The following SRCAP variants were observed in gnomAD, a reference collection of about 807,000 sequenced individuals.
SRCAP encodes chromatin remodeling protein SRCAP.
SRCAP carries 46 observed loss-of-function variants against 263.1 expected under a neutral mutation model. The ratio of observed to expected loss-of-function variants is 0.17; its 90% CI spans 0.14 to 0.22. The LOEUF (loss-of-function observed/expected upper bound fraction) is 0.22, where lower values mean the gene tolerates loss of function less well. SRCAP is among the 10% of genes least tolerant of loss of function. SRCAP has a pLI of 1.00. For synonymous variants in SRCAP, 1,813 were observed against 1,662.1 expected, an observed-to-expected ratio of 1.09 and a Z score of -2.21; for missense variants, 3,695 against 4,181.9, an observed-to-expected ratio of 0.88 and a Z score of 3.21.
At chr16:30,702,673 T>C (rs1421587032) in intron 3 of SRCAP, among the ~76,000 whole-genome samples, 2 of 146,734 alleles carry the variant, frequency 1.4e-5, no homozygotes, top group East Asian at 4.1e-4. Context: ...AATGGCACAA[T>C]CTTGGCTTAC....
intron 27 of SRCAP, among the ~76,000 whole-genome samples, chr16:30,730,171 C>T (rs1402693886): frequency 6.6e-6 from 1 of 152,120 alleles, no homozygotes; most frequent in Non-Finnish European, 1.5e-5. Context: ...GATACAATAG[C>T]AAGTAAGACA....
chr16:30,723,337 G>A lies in SRCAP; in HGVS notation c.4159+108G>A. On this transcript the variant is annotated intron_variant, in intron 24 of 33. Coordinates refer to ENST00000262518, the MANE Select transcript of SRCAP (RefSeq NM_006662.3). The stretch of plus-strand genomic sequence containing the variant: ...ACAGGTTTTTTCATATCAGCGTACT[G>A]CCTTGATTTGTAGTGGGCCCCAGAA... 2.0e-6 allele frequency: 3 copies of A among 1,468,576 alleles called. No individual in the cohort carries two copies. The African/African-American group carries it at 4.2e-5, about 21-fold the overall frequency. 91.0% of individuals were successfully genotyped at this position (1,468,576 alleles called of 1,614,324 possible).
intron 18 of SRCAP, among the ~76,000 whole-genome samples, chr16:30,717,381 T>C (rs2052961085): frequency 6.6e-6 from 1 of 152,204 alleles, no homozygotes; most frequent in East Asian, 1.9e-4. Context: ...GCAAATATTT[T>C]GTCACATTCC....
At position 30,720,328 on chromosome 16, in the gene SRCAP, A is replaced by G. The variant is rs554753505; in HGVS notation, c.2984A>G (p.Asn995Ser). 7.4e-6 allele frequency: 12 copies of G among 1,613,390 alleles called. No homozygotes were observed. The highest frequency in any genetic ancestry group is 1.3e-5 in the African/African-American group (1 of 75,054). The change falls in exon 19 of 34, where the codon AAC becomes AGC. Residue 995 changes from asparagine to serine, a missense_variant. By Grantham distance (46) the Asn-to-Ser change is conservative (BLOSUM62 1). Transcript: ENST00000262518. ...CCCAAGCCAGTCAAGATGAAGGTCA[A>G]CAGGTACAAGGACTAAGGAATGAGG... ...PRPKPVKMKV[N>S]RMLQPVPKQE...
rs925709218 is a variant in SRCAP, at chr16:30,739,106, C to T, written c.9066C>T (p.Leu3022=). The T allele has an allele frequency of 1.2e-6, 2 of 1,614,206 alleles. No homozygotes were observed. ...CTCCATCACCTCGGCCCAGCCAGCT[C>T]CCCGTCTTGGACCGTGACAGCACTT... ...KNPPSPRPSQ[L]PVLDRDSTSV... is the part of the protein sequence containing the mutation. Residue 3022 remains leucine (L), a synonymous_variant, in exon 34 of 34, where the codon CTC becomes CTT. Coordinates refer to ENST00000262518, the MANE Select transcript of SRCAP (RefSeq NM_006662.3).
rs2053021320 is a variant in SRCAP, at chr16:30,722,566, A to G, written c.3710A>G (p.Asn1237Ser). 1 of 1,613,770 alleles carries G rather than the reference A, an allele frequency of 6.2e-7. No homozygotes were observed. The change falls in exon 23 of 34, where the codon AAT becomes AGT. Residue 1237 changes from asparagine (N) to serine (S), a missense_variant. Asn to Ser is a conservative substitution (Grantham distance 46). Coordinates refer to ENST00000262518, the MANE Select transcript of SRCAP (RefSeq NM_006662.3). ...AVGQPRPLQRNVVHLVSAGGQ... is the reference protein window; with the variant it reads ...AVGQPRPLQRSVVHLVSAGGQ... ...TTTCTCTCTTCCCTTAACCCAGGGA[A>G]TGTGGTGCACCTCGTGTCAGCAGGG...
chr16:30,709,819 G>A (rs373579811), intron 7 of SRCAP, 32 bp from the exon 8 acceptor site: 21 of 1,613,132 alleles, frequency 1.3e-5, no homozygotes, highest in Non-Finnish European at 1.7e-5. Flanking sequence ...TGCAGGGCCC[G>A]TGGACTTTGT....
chr16:30,708,499 T>C (rs1235198523), intron 6 of SRCAP, among the ~76,000 whole-genome samples: 1 of 152,152 alleles, frequency 6.6e-6, no homozygotes, highest in Non-Finnish European at 1.5e-5. Context: ...GCTCAAGTGA[T>C]TCTCCTGCCT....
rs933157574 is a variant in SRCAP at position 30,738,612 on chromosome 16, C to T, written c.8572C>T (p.Arg2858Cys). The change falls in exon 34 of 34, where the codon CGT (arginine) becomes TGT (cysteine). Residue 2858 changes from arginine (R) to cysteine (C), a missense_variant. Arg to Cys is a radical substitution (Grantham distance 180). Transcript: ENST00000262518. ...LLAITPPAVKRRRGRPPKKNR... is the reference protein window; with the variant it reads ...LLAITPPAVKCRRGRPPKKNR... Reference sequence around the variant, plus strand: ...CGCCATCACCCCACCTGCTGTGAAACGTCGGAGGGGGAGGCCCCCCAAGAA... The same window carrying T: ...CGCCATCACCCCACCTGCTGTGAAATGTCGGAGGGGGAGGCCCCCCAAGAA... 3.7e-6 allele frequency: 6 copies of T among 1,602,258 alleles called. No homozygotes were observed. The highest frequency in any genetic ancestry group is 5.1e-6 in the Non-Finnish European group (6 of 1,173,826).
chr16:30,721,318 T>C lies in SRCAP; in HGVS notation c.3383T>C (p.Leu1128Ser). 6.2e-7 allele frequency: 1 copy of C among 1,614,208 alleles called. No individual in the cohort carries two copies. The stretch of plus-strand genomic sequence containing the variant: ...CCACCTCCAGGCTCCTCTAGCCTGT[T>C]GAAGCCCCTGACAGTGCCACCAGGC... ...PAPPPGSSSLLKPLTVPPGYT... is the reference protein window; with the variant it reads ...PAPPPGSSSLSKPLTVPPGYT... Residue 1128 changes from leucine (L) to serine (S), a missense_variant, in exon 21 of 34, where the codon TTG becomes TCG. Leu to Ser is a moderately radical substitution (Grantham distance 145). Around this residue, in one of 12 missense-constraint regions of SRCAP, gnomAD observed 1,347 missense variants for 1,304.4 expected, o/e 1.03. Coordinates refer to ENST00000262518, the MANE Select transcript of SRCAP (RefSeq NM_006662.3).
In SRCAP at chr16:30,737,537, CACCCCTCCTCCTGCCTGT is replaced by C. The variant is rs778347308; in HGVS notation, c.7506_7523del (p.Cys2505_Ala2510del). 4 of 1,608,744 alleles carry C rather than the reference CACCCCTCCTCCTGCCTGT, an allele frequency of 2.5e-6. No homozygotes were observed. The highest frequency in any genetic ancestry group is 3.4e-6 in the Non-Finnish European group (4 of 1,175,186). ...TTCCTCCTTGTTCTTCTCCTGCCTG[CACCCCTCCTCCTGCCTGT>C]ACCCCTCCACCAGCTCATACACCGC... is the stretch of plus-strand genomic sequence containing the variant. On this transcript the variant is annotated inframe_deletion, in exon 34 of 34. Transcript: ENST00000262518.
intron 25 of SRCAP, 130 bp downstream of exon 25, chr16:30,725,212 A>G: frequency 6.9e-7 from 1 of 1,451,286 alleles, no homozygotes; most frequent in South Asian, 1.4e-5. Context: ...CAAGTACTTG[A>G]GTGACATTTG....
chr16:30,719,115 C>G (rs910029204), intron 18 of SRCAP, among the ~76,000 whole-genome samples: 1 of 148,954 alleles, frequency 6.7e-6, no homozygotes, highest in African/African-American at 2.5e-5. Flanking sequence ...AGGCTGGTCT[C>G]GAACTCCTGG....
At position 30,736,343 on chromosome 16, in the gene SRCAP, G is replaced by A; in HGVS notation, c.6873G>A (p.Glu2291=). The A allele has an allele frequency of 6.2e-7, 1 of 1,614,102 alleles. No homozygotes were observed. Among genetic ancestry groups the A allele is most frequent in the South Asian group, 1.1e-5 (1 of 91,074 alleles). The change falls in exon 32 of 34, where the codon GAG becomes GAA. Residue 2291 remains glutamate (E), a synonymous_variant. Coordinates refer to ENST00000262518, the MANE Select transcript of SRCAP (RefSeq NM_006662.3). ...AGGAAGCTGGCCGGCCTGGGGCTGA[G>A]GATGAGGAGATGTCCCGGGCTGAGC... ...EGEEAGRPGA[E]DEEMSRAEQE...
rs751059404 is a variant in SRCAP, at chr16:30,738,093, T to G, written c.8053T>G (p.Ser2685Ala). 6.2e-7 allele frequency: 1 copy of G among 1,613,908 alleles called. No individual in the cohort carries two copies. Among genetic ancestry groups the G allele is most frequent in the South Asian group, 1.1e-5 (1 of 91,072 alleles). The change falls in exon 34 of 34, where the codon TCC becomes GCC. Residue 2685 changes from serine (S) to alanine (A), a missense_variant. By Grantham distance (99) the Ser-to-Ala change is moderately conservative (BLOSUM62 1). Transcript: ENST00000262518. ...EELTEAKTPT[S>A]SPEKPQELVT... The stretch of plus-strand genomic sequence containing the variant: ...GCTGACAGAGGCCAAGACCCCAACC[T>G]CCAGCCCAGAGAAGCCACAGGAACT...
Position 30,725,197 on chromosome 16 carries a change from T to C in SRCAP, c.5658+115T>C, listed in dbSNP as rs190905957. ...TGGTGAATTACAAAGCTTAATGTTA[T>C]GGACCAAGTACTTGAGTGACATTTG... On this transcript the variant is annotated intron_variant, in intron 25 of 33. Coordinates refer to ENST00000262518, the MANE Select transcript of SRCAP (RefSeq NM_006662.3). 3.8e-4 allele frequency: 565 copies of C among 1,481,140 alleles called. 12 individuals are homozygous for C. The Admixed American group carries it at 0.013, about 33-fold the overall frequency. 91.7% of individuals were successfully genotyped at this position (1,481,140 alleles called of 1,614,324 possible). A position where few individuals can be genotyped will look rare whatever the true frequency, so the allele number is the denominator to read the frequency against.
chr16:30,704,102 C>G lies in SRCAP; in HGVS notation c.93C>G (p.Ser31=), dbSNP rs561701697. Residue 31 remains serine, a synonymous_variant, in exon 4 of 34, where the codon TCC becomes TCG. Coordinates refer to ENST00000262518, the MANE Select transcript of SRCAP (RefSeq NM_006662.3). ...SDGMTGSNPV[S]PASSSSPASS... ...GCATGACAGGCAGCAATCCTGTGTCCCCTGCCTCATCCAGTTCCCCAGCCT... is the reference window on the plus strand; with the variant it reads ...GCATGACAGGCAGCAATCCTGTGTCGCCTGCCTCATCCAGTTCCCCAGCCT... The G allele has an allele frequency of 3.1e-6, 5 of 1,614,024 alleles. No homozygotes were observed. In the South Asian group the frequency reaches 5.5e-5, roughly 18 times the overall value.
In SRCAP at chr16:30,737,132, G is replaced by C. The variant is rs1049862894; in HGVS notation, c.7092G>C (p.Pro2364=). Residue 2364 remains proline (P), a synonymous_variant, in exon 34 of 34, where the codon CCG becomes CCC. Transcript: ENST00000262518. Reference sequence around the variant, plus strand: ...TACCCCAAGAGGAGGAGGAGGGGCCGGGGGCTGGGGATGAGAGTTCCTGTG... The same window carrying C: ...TACCCCAAGAGGAGGAGGAGGGGCCCGGGGCTGGGGATGAGAGTTCCTGTG... ...FRLPQEEEEG[P]GAGDESSCGT... is the part of the protein sequence containing the mutation. 2 of 1,613,654 alleles carry C rather than the reference G, an allele frequency of 1.2e-6. No homozygotes were observed. Among genetic ancestry groups the C allele is most frequent in the Non-Finnish European group, 1.7e-6 (2 of 1,179,778 alleles).
intron 5 of SRCAP, 38 bp downstream of exon 5, chr16:30,707,406 C>T: frequency 6.2e-7 from 1 of 1,608,218 alleles, no homozygotes; most frequent in African/African-American, 1.3e-5. Context: ...TTTTCCTTTT[C>T]AGGTCTGTTC....
Sources: gnomAD v4.1 joint callset for allele counts (sites outside exome capture counted in the v4.1 genomes callset) on GRCh38, gnomAD v4.1.1 for gene constraint, gnomAD v4.1.1 regional missense constraint, MANE v1.5 for transcripts, NCBI Gene and HGNC (gene_info 2026-07-23, HGNC 2026-07-21) for gene names.